Variants in BNIP2 observed in about 807,000 individuals in gnomAD.
BNIP2 encodes BCL2/adenovirus E1B 19 kDa protein-interacting protein 2.
BNIP2 carries 36 observed loss-of-function variants against 43.4 expected under a neutral mutation model. That is an observed-to-expected ratio of 0.83 (90% CI 0.64 to 1.10). The LOEUF is 1.10. Among genes scored for constraint, BNIP2 ranks in the 50% least tolerant of loss-of-function variants. The pLI is 0.00. For missense variants in BNIP2, 417 were observed against 374.1 expected (o/e 1.11, Z -0.95); for synonymous variants, 146 against 121.0 (o/e 1.21, Z -1.35).
In BNIP2 at chr15:59,661,567, AT is replaced by A. The variant is rs1892276384; in HGVS notation, c.*2501del. ...CTTCCCTTGGTGCTTGCTTAGGAGT[AT>A]GATCAAGCAGAACACAGAATCAAAT... On this transcript the variant is annotated 3_prime_UTR_variant, in exon 10 of 10. Coordinates refer to ENST00000607373, the MANE Select transcript of BNIP2 (RefSeq NM_004330.4). 1 of 152,126 alleles carries A rather than the reference AT, an allele frequency of 6.6e-6. No individual in the cohort carries two copies. Among genetic ancestry groups the A allele is most frequent in the Admixed American group, 6.5e-5 (1 of 15,268 alleles). The allele number at this position is 152,126 out of a possible 1,614,324, so 9.4% of individuals were successfully genotyped here. A position where few individuals can be genotyped will look rare whatever the true frequency, so the allele number is the denominator to read the frequency against.
At chr15:59,669,228 A>G in intron 8 of BNIP2, 48 bp downstream of exon 8, 1 of 1,314,674 alleles carries the variant, frequency 7.6e-7, no homozygotes, top group Non-Finnish European at 1.0e-6. Context: ...AACTAAAAAT[A>G]AATAAATAAA....
chr15:59,669,275 C>T lies in BNIP2; in HGVS notation c.794+1G>A. 6.5e-7 allele frequency: 1 copy of T among 1,530,300 alleles called. No individual in the cohort carries two copies. Among genetic ancestry groups the T allele is most frequent in the South Asian group, 1.3e-5 (1 of 75,886 alleles). The allele number at this position is 1,530,300 out of a possible 1,614,324, so 94.8% of individuals were successfully genotyped here. A position where few individuals can be genotyped will look rare whatever the true frequency, so the allele number is the denominator to read the frequency against. On this transcript the variant is annotated splice_donor_variant, in intron 8 of 9. Coordinates refer to ENST00000607373, the MANE Select transcript of BNIP2 (RefSeq NM_004330.4). LOFTEE classifies it high-confidence loss of function. ...TAAAGTCAATGGCTCTCAAAAATTA[C>T]CTAATAAATGGTCTTGTAACAGCCA...
chr15:59,678,908 G>C, intron 4 of BNIP2: 1 of 1,272,700 alleles, frequency 7.9e-7, no homozygotes, highest in Non-Finnish European at 1.0e-6. Flanking sequence ...ACAAAGTATT[G>C]CTTACTACTG....
Position 59,662,668 on chromosome 15 carries a change from C to T in BNIP2, c.*1401G>A, listed in dbSNP as rs1892339472. The T allele has an allele frequency of 1.3e-5, 2 of 152,348 alleles. No individual in the cohort carries two copies. The highest frequency in any genetic ancestry group is 3.8e-4 in the East Asian group (2 of 5,196). 9.4% of individuals were successfully genotyped at this position (152,348 alleles called of 1,614,324 possible). ...GACTAAATCTTGAAAGGTTAGCTCACATCCACTTCAATTTTGCTACTCTAG... is the reference window on the plus strand; with the variant it reads ...GACTAAATCTTGAAAGGTTAGCTCATATCCACTTCAATTTTGCTACTCTAG... On this transcript the variant is annotated 3_prime_UTR_variant, in exon 10 of 10. Coordinates refer to ENST00000607373, the MANE Select transcript of BNIP2 (RefSeq NM_004330.4).
intron 7 of BNIP2, among the ~76,000 whole-genome samples, chr15:59,669,838 A>T (rs1008444657): frequency 3.3e-5 from 5 of 152,230 alleles, no homozygotes; most frequent in African/African-American, 1.2e-4. Context: ...TAAAGTTTTG[A>T]TTAAAAATTA....
intron 9 of BNIP2, among the ~76,000 whole-genome samples, chr15:59,665,038 G>T (rs1376307322): frequency 6.6e-6 from 1 of 152,122 alleles, no homozygotes; most frequent in Non-Finnish European, 1.5e-5. Context: ...GGCCTAGGCG[G>T]GTGGATCACG....
intron 3 of BNIP2, 140 bp downstream of exon 3, chr15:59,680,101 T>C: frequency 1.3e-6 from 1 of 744,076 alleles, no homozygotes; most frequent in African/African-American, 1.8e-5. Flanking sequence ...CTAAAAATGC[T>C]TTCCTCAATG....
chr15:59,676,876 G>A (rs1893333892), intron 5 of BNIP2: 12 of 1,590,994 alleles, frequency 7.5e-6, no homozygotes, highest in East Asian at 2.3e-5. Context: ...CGCTGCGTTC[G>A]CTCACCGCTG....
chr15:59,689,291 G>C lies in BNIP2; in HGVS notation c.-214C>G. ...AATCCCCCGGCCGCAGCGGTACGGC[G>C]TCGGCGGCAGCAGCTGACCCGGACA... On this transcript the variant is annotated 5_prime_UTR_variant, in exon 1 of 10. Transcript: ENST00000607373. 8 of 1,544,322 alleles carry C rather than the reference G, an allele frequency of 5.2e-6. No homozygotes were observed. Among genetic ancestry groups the C allele is most frequent in the Non-Finnish European group, 7.0e-6 (8 of 1,145,070 alleles).
chr15:59,679,368 T>C (rs547469116), intron 4 of BNIP2: 52 of 389,654 alleles, frequency 1.3e-4, no homozygotes, highest in African/African-American at 9.5e-4. Flanking sequence ...AGAAATATTT[T>C]TGAAACAGCT....
At chr15:59,665,593 G>C (rs1892524287) in intron 9 of BNIP2, among the ~76,000 whole-genome samples, 1 of 152,094 alleles carries the variant, frequency 6.6e-6, no homozygotes, top group African/African-American at 2.4e-5. Flanking sequence ...CTGGGTGACA[G>C]AGCAAGACCC....
chr15:59,679,551 T>C lies in BNIP2; in HGVS notation c.295+41A>G, dbSNP rs752688871. 4 of 1,566,868 alleles carry C rather than the reference T, an allele frequency of 2.6e-6. No individual in the cohort carries two copies. In the African/African-American group the frequency reaches 5.4e-5, roughly 21 times the overall value. On this transcript the variant is annotated intron_variant, in intron 4 of 9. Transcript: ENST00000607373. ...ATGTATTTCAAACAAAATCCCTTAG[T>C]ACATTAATAAAGATCAGATTAAAAA...
At chr15:59,674,103 AAAAC>A (rs1393908812) in intron 5 of BNIP2, among the ~76,000 whole-genome samples, 2 of 150,470 alleles carry the variant, frequency 1.3e-5, no homozygotes, top group Non-Finnish European at 2.9e-5. Flanking sequence ...AAAAAAAACA[AAAAC>A]AAAAACAAAA....
chr15:59,679,449 T>G, intron 4 of BNIP2, 143 bp downstream of exon 4: 1 of 983,936 alleles, frequency 1.0e-6, no homozygotes, highest in Non-Finnish European at 1.4e-6. Flanking sequence ...ATACACACTT[T>G]TTAAGTCCTT....
rs1431115447 is a variant in BNIP2, at chr15:59,659,746, A to T, written c.*4323T>A. The T allele has an allele frequency of 6.6e-6, 1 of 152,212 alleles. No homozygotes were observed. The highest frequency in any genetic ancestry group is 1.5e-5 in the Non-Finnish European group (1 of 68,026). 9.4% of individuals were successfully genotyped at this position (152,212 alleles called of 1,614,324 possible). A position where few individuals can be genotyped will look rare whatever the true frequency, so the allele number is the denominator to read the frequency against. On this transcript the variant is annotated 3_prime_UTR_variant, in exon 10 of 10. Transcript: ENST00000607373. The stretch of plus-strand genomic sequence containing the variant: ...TAAACATGATTCTAAGACATCCTAC[A>T]AGCCTAGTATCATTAATTTGAAAGC...
At chr15:59,680,861 C>T (rs1344343054) in intron 2 of BNIP2, among the ~76,000 whole-genome samples, 1 of 152,150 alleles carries the variant, frequency 6.6e-6, no homozygotes, top group African/African-American at 2.4e-5. Context: ...CCTCCCAAAG[C>T]ACTAGGATTA....
At chr15:59,683,533 T>C (rs1163640280) in intron 1 of BNIP2, among the ~76,000 whole-genome samples, 1 of 152,214 alleles carries the variant, frequency 6.6e-6, no homozygotes, top group African/African-American at 2.4e-5. Context: ...TCGTTGACAC[T>C]AGGCCGGGCG....
chr15:59,668,062 T>G, intron 9 of BNIP2: 1 of 1,236,222 alleles, frequency 8.1e-7, no homozygotes, highest in South Asian at 1.4e-5. Flanking sequence ...GCAATGCAAA[T>G]GGACTAGTCT....
intron 1 of BNIP2, among the ~76,000 whole-genome samples, chr15:59,684,097 G>A (rs1389997303): frequency 6.6e-6 from 1 of 152,184 alleles, no homozygotes; most frequent in Non-Finnish European, 1.5e-5. Flanking sequence ...GAAATATCCT[G>A]AAGTGTTAGA....
Sources: gnomAD v4.1 joint callset for allele counts (sites outside exome capture counted in the v4.1 genomes callset) on GRCh38, gnomAD v4.1.1 for gene constraint, MANE v1.5 for transcripts, NCBI Gene and HGNC (gene_info 2026-07-23, HGNC 2026-07-21) for gene names.